Variants in DIAPH2 observed in about 807,000 individuals in gnomAD.
The protein encoded by DIAPH2 is diaphanous related formin 2, also known as protein diaphanous homolog 2.
A neutral mutation model predicts 92.7 loss-of-function variants in DIAPH2; 35 were observed. The observed-to-expected ratio is 0.38, with a 90% CI of 0.29 to 0.50. The LOEUF (loss-of-function observed/expected upper bound fraction) is 0.50. Among genes scored for constraint, DIAPH2 ranks in the 20% least tolerant of loss-of-function variants. DIAPH2 has a pLI of 0.94. For missense variants in DIAPH2, 701 were observed against 819.5 expected, an observed-to-expected ratio of 0.86 and a Z score of 1.77; for synonymous variants, 301 against 280.4, an observed-to-expected ratio of 1.07 and a Z score of -0.73.
chrX:97,046,595 G>T (rs2066486005), intron 17 of DIAPH2, among the ~76,000 whole-genome samples: 1 of 111,977 alleles, frequency 8.9e-6, no homozygotes, highest in African/African-American at 3.2e-5. Context: ...CCTTGAAATT[G>T]ATTATTATTA....
intron 24 of DIAPH2, 88 bp downstream of exon 24, chrX:97,348,368 C>G: frequency 1.2e-6 from 1 of 817,402 alleles, no homozygotes; most frequent in Non-Finnish European, 1.7e-6. Context: ...TTCCTATTGA[C>G]TATATTGATT....
At chrX:97,394,922 C>G (rs969799352) in intron 25 of DIAPH2, among the ~76,000 whole-genome samples, 1 of 111,405 alleles carries the variant, frequency 9.0e-6, no homozygotes, top group African/African-American at 3.3e-5. Context: ...AAAACCAGTT[C>G]ACATCATGGC....
intron 17 of DIAPH2, among the ~76,000 whole-genome samples, chrX:97,067,429 G>A (rs1453644810): frequency 9.0e-6 from 1 of 111,182 alleles, no homozygotes; most frequent in Admixed American, 9.6e-5. Context: ...TTTAGCAAAC[G>A]CCCATCTACC....
chrX:97,481,199 T>C (rs1288781889), intron 26 of DIAPH2, among the ~76,000 whole-genome samples: 1 of 111,981 alleles, frequency 8.9e-6, no homozygotes, highest in African/African-American at 3.2e-5. Flanking sequence ...TCTCTGTGTT[T>C]TATTGTTAAA....
chrX:97,348,056 T>G (rs1244235439), intron 23 of DIAPH2, 60 bp from the exon 24 acceptor site: 11 of 1,044,038 alleles, frequency 1.1e-5, no homozygotes, highest in Non-Finnish European at 1.3e-5. Context: ...AATCTTAACA[T>G]CTAGTGATTG....
intron 26 of DIAPH2, among the ~76,000 whole-genome samples, chrX:97,474,054 AT>A (rs1341967200): frequency 8.9e-6 from 1 of 112,737 alleles, no homozygotes; most frequent in Non-Finnish European, 1.9e-5. Context: ...ACGTTTATTC[AT>A]TTACACATTA....
rs2068715763 is a variant in DIAPH2, at chrX:97,302,527, A to G, written c.2845-45589A>G. 2.7e-5 allele frequency among the ~76,000 whole-genome samples: 3 copies of G among 110,211 alleles called. No individual in the cohort carries two copies. The South Asian group carries it at 1.2e-3, about 43-fold the overall frequency. ...GCCTGGGCAGCAAGAGCAAAACTCT[A>G]TCTCCAAAAAATAAAAATTAAAAAA... On this transcript the variant is annotated intron_variant, in intron 23 of 26. Coordinates refer to ENST00000324765, the MANE Select transcript of DIAPH2 (RefSeq NM_006729.5).
At chrX:97,514,333 G>C (rs2070921972) in intron 26 of DIAPH2, among the ~76,000 whole-genome samples, 1 of 111,973 alleles carries the variant, frequency 8.9e-6, no homozygotes, top group African/African-American at 3.2e-5. Flanking sequence ...TCTTCACGTA[G>C]TTCTCGAGCC....
chrX:97,200,826 G>C (rs1010154379), intron 22 of DIAPH2, among the ~76,000 whole-genome samples: 1 of 111,731 alleles, frequency 9.0e-6, no homozygotes, highest in African/African-American at 3.3e-5. Context: ...CTCTGGTAAG[G>C]CTCAGTCTGC....
At chrX:97,039,730 C>T (rs1005742960) in intron 17 of DIAPH2, among the ~76,000 whole-genome samples, 1 of 111,370 alleles carries the variant, frequency 9.0e-6, no homozygotes, top group African/African-American at 3.3e-5. Context: ...TCACTCTCAT[C>T]GTACATCTAT....
chrX:97,101,377 C>A (rs910014984), intron 20 of DIAPH2, among the ~76,000 whole-genome samples: 1 of 110,900 alleles, frequency 9.0e-6, no homozygotes, highest in Non-Finnish European at 1.9e-5. Context: ...AAGCAATATA[C>A]CTTCTGAACT....
intron 4 of DIAPH2, among the ~76,000 whole-genome samples, chrX:96,776,246 T>C (rs1448692738): frequency 2.7e-5 from 3 of 111,378 alleles, no homozygotes; most frequent in African/African-American, 9.8e-5. Flanking sequence ...AGTCTCACTC[T>C]GTCACCCAGG....
intron 9 of DIAPH2, among the ~76,000 whole-genome samples, chrX:96,922,700 T>C (rs2065554196): frequency 8.9e-6 from 1 of 111,898 alleles, no homozygotes; most frequent in African/African-American, 3.2e-5. Context: ...ATGTACCATA[T>C]GTTTGCGCCA....
At chrX:96,896,331 T>G (rs944192164) in intron 5 of DIAPH2, among the ~76,000 whole-genome samples, 2 of 111,810 alleles carry the variant, frequency 1.8e-5, no homozygotes, top group Admixed American at 9.5e-5. Flanking sequence ...AAATAAAATC[T>G]TGTAACCTCT....
intron 21 of DIAPH2, among the ~76,000 whole-genome samples, chrX:97,130,535 T>G (rs564234890): frequency 2.7e-5 from 3 of 112,072 alleles, no homozygotes; most frequent in African/African-American, 9.7e-5. Context: ...ATTCCACTTA[T>G]ATGAGGTACC....
intron 23 of DIAPH2, among the ~76,000 whole-genome samples, chrX:97,341,781 T>C (rs6652739): frequency 2.7e-5 from 3 of 111,466 alleles, no homozygotes; most frequent in African/African-American, 9.8e-5. Context: ...TCCACTTTGG[T>C]GTTTTATCTT....
intron 23 of DIAPH2, among the ~76,000 whole-genome samples, chrX:97,260,587 A>C (rs2068280644): frequency 8.9e-6 from 1 of 112,290 alleles, no homozygotes; most frequent in Non-Finnish European, 1.9e-5. Context: ...ATCCTAGTGG[A>C]GTTTTAAAGT....
intron 1 of DIAPH2, among the ~76,000 whole-genome samples, chrX:96,694,484 G>A (rs1484969363): frequency 2.7e-5 from 3 of 110,334 alleles, no homozygotes; most frequent in Non-Finnish European, 5.7e-5. Flanking sequence ...GGGATTACAA[G>A]CATGCACCAC....
At chrX:96,769,263 C>T (rs2064323071) in intron 4 of DIAPH2, among the ~76,000 whole-genome samples, 1 of 111,586 alleles carries the variant, frequency 9.0e-6, no homozygotes, top group Non-Finnish European at 1.9e-5. Context: ...TAGTCAGGGA[C>T]GAGACCGAGT....
Sources: gnomAD v4.1 joint callset for allele counts (sites outside exome capture counted in the v4.1 genomes callset) on GRCh38, gnomAD v4.1.1 for gene constraint, MANE v1.5 for transcripts, NCBI Gene and HGNC (gene_info 2026-07-23, HGNC 2026-07-21) for gene names.